The following DOCK7 variants were observed in gnomAD, a reference collection of about 807,000 sequenced individuals.
DOCK7 encodes dedicator of cytokinesis 7, also known as dedicator of cytokinesis protein 7.
In DOCK7, 138 loss-of-function variants were observed where a neutral mutation model predicts 271.0. The ratio of observed to expected loss-of-function variants is 0.51; its 90% CI spans 0.44 to 0.59. The LOEUF (loss-of-function observed/expected upper bound fraction) is 0.59, where lower values mean the gene tolerates loss of function less well. Ranked by LOEUF, DOCK7 falls within the 20% of genes least tolerant of loss-of-function variation. DOCK7 has a pLI of 0.00. For missense variants in DOCK7, 2,066 were observed against 2,592.4 expected (o/e 0.80, Z 4.41); for synonymous variants, 823 against 876.1 (o/e 0.94, Z 1.07).
chr1:62,462,802 C>T (rs1002819701), intron 48 of DOCK7, among the ~76,000 whole-genome samples: 45 of 151,442 alleles, frequency 3.0e-4, no homozygotes, highest in African/African-American at 6.1e-4. Context: ...GGTCTCACTA[C>T]GTAGACTTGA....
In DOCK7 at chr1:62,489,040, T is replaced by C. The variant is rs1357863460; in HGVS notation, c.5387A>G (p.Glu1796Gly). 6.3e-7 allele frequency: 1 copy of C among 1,599,614 alleles called. No homozygotes were observed. Among genetic ancestry groups the C allele is most frequent in the Admixed American group, 1.7e-5 (1 of 58,618 alleles). ...AATAGGAATAAGTACTTTGTAAACT[T>C]CATTAACTGCTTCATACATGCCAGC... ...SMAGMYEAVN[E>G]VYKVLIPIHE... Residue 1796 changes from glutamate to glycine, a missense_variant, in exon 42 of 50, where the codon GAA (glutamate) becomes GGA (glycine). This residue lies in a region of DOCK7 where 652 missense variants were observed against 922.1 expected (regional missense o/e 0.71). Coordinates refer to ENST00000635253, the MANE Select transcript of DOCK7 (RefSeq NM_001367561.1).
At chr1:62,485,380 C>T in intron 43 of DOCK7, 1 of 985,050 alleles carries the variant, frequency 1.0e-6, no homozygotes, top group Non-Finnish European at 1.2e-6. Flanking sequence ...AAAGCTTTGC[C>T]AACTCAAATA....
chr1:62,501,750 C>T (rs984319028), intron 37 of DOCK7, among the ~76,000 whole-genome samples: 5 of 151,706 alleles, frequency 3.3e-5, no homozygotes, highest in South Asian at 4.2e-4. Context: ...TTTATATACA[C>T]GTAAGAAAGT....
chr1:62,682,475 C>A (rs1661279733), intron 1 of DOCK7, among the ~76,000 whole-genome samples: 2 of 152,032 alleles, frequency 1.3e-5, no homozygotes, highest in African/African-American at 4.8e-5. Context: ...CAAAACCAGA[C>A]CTGCCATCAA....
At chr1:62,609,110 C>T (rs1334759485) in intron 14 of DOCK7, 3 of 152,040 alleles carry the variant, frequency 2.0e-5, no homozygotes, top group Non-Finnish European at 4.4e-5. Context: ...ACAATTGGCC[C>T]TTTTATCAAA....
At chr1:62,479,351 T>C (rs559121531) in intron 43 of DOCK7, among the ~76,000 whole-genome samples, 1 of 152,280 alleles carries the variant, frequency 6.6e-6, no homozygotes, top group South Asian at 2.1e-4. Flanking sequence ...AAGAAAAATG[T>C]ATTTGGAGCT....
At chr1:62,552,085 T>C (rs1645925162) in intron 22 of DOCK7, among the ~76,000 whole-genome samples, 1 of 152,090 alleles carries the variant, frequency 6.6e-6, no homozygotes, top group Non-Finnish European at 1.5e-5. Flanking sequence ...ACTGAAGACC[T>C]ATGCAGTATA....
intron 44 of DOCK7, 158 bp from the exon 45 acceptor site, chr1:62,476,314 C>G: frequency 1.9e-6 from 1 of 539,612 alleles, no homozygotes; most frequent in Non-Finnish European, 3.2e-6. Context: ...AAAAATTATA[C>G]TAGCTTATAA....
At chr1:62,535,837 T>C (rs1645328416) in intron 28 of DOCK7, among the ~76,000 whole-genome samples, 2 of 152,348 alleles carry the variant, frequency 1.3e-5, no homozygotes, top group South Asian at 4.1e-4. Flanking sequence ...ATTATAGAAA[T>C]TAATCATTGA....
intron 43 of DOCK7, chr1:62,484,364 A>C (rs142299522): frequency 1.3e-5 from 2 of 152,278 alleles, no homozygotes; most frequent in African/African-American, 4.8e-5. Context: ...GTGATCTTTG[A>C]ATGGAAAAAA....
At chr1:62,595,131 A>G (rs79151558) in intron 14 of DOCK7, among the ~76,000 whole-genome samples, 2,265 of 152,290 alleles carry the variant, frequency 0.015, 28 homozygotes, top group East Asian at 0.038. Flanking sequence ...AACCTAATCA[A>G]AAGATGTAAT....
chr1:62,548,165 C>T (rs951927383), intron 22 of DOCK7, among the ~76,000 whole-genome samples: 1 of 149,922 alleles, frequency 6.7e-6, no homozygotes, highest in African/African-American at 2.5e-5. Flanking sequence ...AAAAAATCAA[C>T]ATAAGAATAA....
At chr1:62,553,956 C>G (rs909872318) in intron 21 of DOCK7, among the ~76,000 whole-genome samples, 2 of 152,042 alleles carry the variant, frequency 1.3e-5, no homozygotes, top group African/African-American at 4.8e-5. Context: ...CCCACCTCTC[C>G]TACTCTGCCC....
At position 62,608,869 on chromosome 1, in the gene DOCK7, T is replaced by TATGAACCA. The variant is rs1651386011; in HGVS notation, c.1682+9836_1682+9837insTGGTTCAT. 5.9e-5 allele frequency: 9 copies of TATGAACCA among 152,252 alleles called. No individual in the cohort carries two copies. In the South Asian group the frequency reaches 1.9e-3, roughly 32 times the overall value. The allele number at this position is 152,252 out of a possible 1,614,324, so 9.4% of individuals were successfully genotyped here. The stretch of plus-strand genomic sequence containing the variant: ...GAAGTCAACTAACTCATTCATTAAT[T>TATGAACCA]TTAGAAATGGTATTCATTAAACAAC... On this transcript the variant is annotated intron_variant, in intron 14 of 49. Coordinates refer to ENST00000635253, the MANE Select transcript of DOCK7 (RefSeq NM_001367561.1).
intron 14 of DOCK7, among the ~76,000 whole-genome samples, chr1:62,607,535 C>G (rs1309336244): frequency 6.6e-6 from 1 of 152,158 alleles, no homozygotes; most frequent in Non-Finnish European, 1.5e-5. Flanking sequence ...CCTAATTTTA[C>G]GTCCCTCTCC....
intron 16 of DOCK7, among the ~76,000 whole-genome samples, chr1:62,582,321 C>T (rs1271938560): frequency 2.0e-5 from 3 of 151,448 alleles, no homozygotes; most frequent in Non-Finnish European, 4.4e-5. Flanking sequence ...GAGGCCGAGG[C>T]GGGCGGATCA....
chr1:62,558,525 A>G (rs967081937), intron 20 of DOCK7, among the ~76,000 whole-genome samples: 5 of 152,288 alleles, frequency 3.3e-5, no homozygotes, highest in Non-Finnish European at 5.9e-5. Context: ...GAAAATAAAA[A>G]GAGAAAACAG....
intron 31 of DOCK7, among the ~76,000 whole-genome samples, chr1:62,515,574 G>T (rs931615765): frequency 4.6e-5 from 7 of 152,152 alleles, no homozygotes; most frequent in African/African-American, 1.7e-4. Context: ...TAAATTGCCA[G>T]TAACACAGTG....
At chr1:62,459,638 T>C (rs1292846013) in intron 48 of DOCK7, among the ~76,000 whole-genome samples, 1 of 152,164 alleles carries the variant, frequency 6.6e-6, no homozygotes, top group Non-Finnish European at 1.5e-5. Flanking sequence ...TAGATTAATA[T>C]AATTTAGCAA....
Sources: allele counts gnomAD v4.1 joint callset (sites outside exome capture counted in the v4.1 genomes callset), GRCh38; gene constraint gnomAD v4.1.1; regional missense constraint gnomAD v4.1.1; transcripts MANE v1.5; gene names NCBI Gene and HGNC (gene_info 2026-07-23, HGNC 2026-07-21).